RIPOR2: variants seen among roughly 807,000 people sequenced by gnomAD.
RIPOR2 encodes the protein rho family-interacting cell polarization regulator 2.
In RIPOR2, 39 loss-of-function variants were observed where a neutral mutation model predicts 114.5. The observed-to-expected ratio is 0.34, with a 90% CI of 0.26 to 0.44. RIPOR2 has a LOEUF of 0.44. Ranked by LOEUF, RIPOR2 falls within the 20% of genes least tolerant of loss-of-function variation. The pLI is 1.00. For missense variants in RIPOR2, 1,007 were observed against 1,255.1 expected, an observed-to-expected ratio of 0.80 and a Z score of 2.99; for synonymous variants, 445 against 484.4, an observed-to-expected ratio of 0.92 and a Z score of 1.07.
chr6:24,894,694 C>A (rs1256901035), intron 1 of RIPOR2, among the ~76,000 whole-genome samples: 1 of 152,180 alleles, frequency 6.6e-6, no homozygotes, highest in African/African-American at 2.4e-5. Flanking sequence ...CTTTCATATC[C>A]CATAACCATT....
At chr6:24,966,219 C>T (rs1773520497) in intron 1 of RIPOR2, among the ~76,000 whole-genome samples, 2 of 152,106 alleles carry the variant, frequency 1.3e-5, no homozygotes, top group African/African-American at 4.8e-5. Flanking sequence ...ACCTGTAACC[C>T]CAGAAGCATC....
At chr6:25,041,460 C>G (rs746776070) in intron 1 of RIPOR2, among the ~76,000 whole-genome samples, 9 of 152,238 alleles carry the variant, frequency 5.9e-5, no homozygotes, top group Non-Finnish European at 1.0e-4. Context: ...CTGCTGATAA[C>G]CTGTTTGATT....
intron 13 of RIPOR2, chr6:24,839,558 G>T: frequency 1.4e-6 from 2 of 1,457,978 alleles, no homozygotes; most frequent in Admixed American, 2.1e-5. Flanking sequence ...AGGAGGTTGA[G>T]GGATGGGCAC....
chr6:24,975,683 C>G (rs558849758), intron 1 of RIPOR2, among the ~76,000 whole-genome samples: 2 of 152,024 alleles, frequency 1.3e-5, no homozygotes, highest in Non-Finnish European at 2.9e-5. Context: ...GCATAGTATA[C>G]TTGAAATTTG....
chr6:24,910,958 G>A, intron 1 of RIPOR2: 1 of 985,350 alleles, frequency 1.0e-6, no homozygotes, highest in Non-Finnish European at 1.2e-6. Context: ...TTGGGTGAAG[G>A]GGACCCCGGG....
In RIPOR2 at chr6:24,873,629, GGTTCAA is replaced by G; in HGVS notation, c.344+9_344+14del. ...GGTCTTTCCTTAAAGTACATTATCA[GGTTCAA>G]GTTCTTACTCAAGTCCATTTTTCAA... is the stretch of plus-strand genomic sequence containing the variant. On this transcript the variant is annotated intron_variant, in intron 3 of 21. Coordinates refer to ENST00000643898, the MANE Select transcript of RIPOR2 (RefSeq NM_001286445.3). 6.2e-7 allele frequency: 1 copy of G among 1,609,412 alleles called. No individual in the cohort carries two copies. The highest frequency in any genetic ancestry group is 8.5e-7 in the Non-Finnish European group (1 of 1,178,230).
At chr6:24,947,113 G>GT (rs1581856401) in intron 1 of RIPOR2, among the ~76,000 whole-genome samples, 2 of 152,238 alleles carry the variant, frequency 1.3e-5, no homozygotes, top group African/African-American at 2.4e-5. Context: ...GATTGTGTCT[G>GT]TTTTTTTAAA....
At position 24,839,215 on chromosome 6, in the gene RIPOR2, C is replaced by T; in HGVS notation, c.1915G>A (p.Ala639Thr). 6.4e-7 allele frequency: 1 copy of T among 1,551,856 alleles called. No homozygotes were observed. Among genetic ancestry groups the T allele is most frequent in the Non-Finnish European group, 8.7e-7 (1 of 1,147,012 alleles). The change falls in exon 14 of 22, where the codon GCT (alanine) becomes ACT (threonine). Residue 639 changes from alanine (A) to threonine (T), a missense_variant. Coordinates refer to ENST00000643898, the MANE Select transcript of RIPOR2 (RefSeq NM_001286445.3). ...TTCAGGAAATCAAAGCTTTCTAAAGCACTTTCAACTGTGAGACTTAAACTG... is the reference window on the plus strand; with the variant it reads ...TTCAGGAAATCAAAGCTTTCTAAAGTACTTTCAACTGTGAGACTTAAACTG... ...SSSLSLTVES[A>T]LESFDFLNTS... is the part of the protein sequence containing the mutation.
chr6:24,945,642 G>A (rs184268399), intron 1 of RIPOR2, among the ~76,000 whole-genome samples: 9 of 152,210 alleles, frequency 5.9e-5, no homozygotes, highest in Admixed American at 5.2e-4. Context: ...GAGGATAAAA[G>A]TTTTTATATT....
chr6:24,900,221 T>A (rs543606007), intron 1 of RIPOR2, among the ~76,000 whole-genome samples: 1 of 152,132 alleles, frequency 6.6e-6, no homozygotes, highest in Admixed American at 6.5e-5. Flanking sequence ...TGTATTTACA[T>A]CCACAGCCGC....
rs528273676 is a variant in RIPOR2, at chr6:24,845,438, G to A, written c.1165-1884C>T. 3.3e-5 allele frequency among the ~76,000 whole-genome samples: 5 copies of A among 152,264 alleles called. No homozygotes were observed. In the South Asian group the frequency reaches 1.0e-3, roughly 32 times the overall value. ...CTAGAACCCATGGGCCCTCCATGTG[G>A]TTCCACTCAGCTTTGTCTGATCTGT... On this transcript the variant is annotated intron_variant, in intron 12 of 21. Coordinates refer to ENST00000643898, the MANE Select transcript of RIPOR2 (RefSeq NM_001286445.3).
At chr6:24,901,647 G>A (rs1226841074) in intron 1 of RIPOR2, among the ~76,000 whole-genome samples, 3 of 152,162 alleles carry the variant, frequency 2.0e-5, no homozygotes, top group Admixed American at 2.0e-4. Context: ...GACATTAGTC[G>A]TGTTGTAAGA....
chr6:24,836,033 C>G (rs1024865482), intron 14 of RIPOR2, 162 bp from the exon 15 acceptor site: 12 of 647,886 alleles, frequency 1.9e-5, no homozygotes, highest in Non-Finnish European at 2.9e-5. Context: ...CTTAATTCAG[C>G]CTGGTCACCA....
Position 24,852,600 on chromosome 6 carries a change from C to T in RIPOR2, c.734G>A (p.Arg245His), listed in dbSNP as rs758236733. The T allele has an allele frequency of 6.9e-6, 11 of 1,594,860 alleles. No homozygotes were observed. Among genetic ancestry groups the T allele is most frequent in the East Asian group, 2.3e-5 (1 of 44,372 alleles). Residue 245 changes from arginine (R) to histidine (H), a missense_variant, in exon 9 of 22, where the codon CGC (arginine) becomes CAC (histidine). By Grantham distance (29) the Arg-to-His change is conservative. Coordinates refer to ENST00000643898, the MANE Select transcript of RIPOR2 (RefSeq NM_001286445.3). ...TTCATATTGATCTCCAGGACAGAGG[C>T]GTGCAAAGCCAGCCAGACCTGTAAC... Reference protein sequence around the residue: ...IKMKGLAGFARLCPGDQYEIF... With the variant: ...IKMKGLAGFAHLCPGDQYEIF...
chr6:25,018,806 T>C (rs1776152059), intron 1 of RIPOR2, among the ~76,000 whole-genome samples: 1 of 152,168 alleles, frequency 6.6e-6, no homozygotes, highest in Non-Finnish European at 1.5e-5. Flanking sequence ...GATATTAAGA[T>C]TGATTTGTGG....
At chr6:24,964,096 C>T (rs1396568414) in intron 1 of RIPOR2, among the ~76,000 whole-genome samples, 1 of 149,798 alleles carries the variant, frequency 6.7e-6, no homozygotes, top group Non-Finnish European at 1.5e-5. Flanking sequence ...AGTATCAAAA[C>T]CAGGAAATTG....
At chr6:24,819,683 A>T (rs1313777190) in intron 19 of RIPOR2, among the ~76,000 whole-genome samples, 64 of 57,928 alleles carry the variant, frequency 1.1e-3, no homozygotes, top group East Asian at 4.2e-3. Context: ...TTTTTTTTTT[A>T]GTGGAGACAG....
chr6:24,941,328 G>A (rs1772122212), intron 1 of RIPOR2, among the ~76,000 whole-genome samples: 1 of 151,922 alleles, frequency 6.6e-6, no homozygotes, highest in African/African-American at 2.4e-5. Flanking sequence ...CATAACTATG[G>A]GTTAAAGGTA....
At chr6:24,828,109 T>C in intron 18 of RIPOR2, 28 bp downstream of exon 18, 1 of 1,520,650 alleles carries the variant, frequency 6.6e-7, no homozygotes, top group Non-Finnish European at 8.9e-7. Flanking sequence ...GAGCCACCAC[T>C]ACAATGTGAC....
Sources: allele counts gnomAD v4.1 joint callset (sites outside exome capture counted in the v4.1 genomes callset), GRCh38; gene constraint gnomAD v4.1.1; transcripts MANE v1.5; gene names NCBI Gene and HGNC (gene_info 2026-07-23, HGNC 2026-07-21).